Variants in GPC5 observed in about 807,000 individuals in gnomAD.
The protein encoded by GPC5 is glypican 5.
GPC5 carries 47 observed loss-of-function variants against 53.9 expected under a neutral mutation model. The ratio of observed to expected loss-of-function variants is 0.87; its 90% confidence interval spans 0.69 to 1.11. The LOEUF is 1.11. Ranked by LOEUF, GPC5 falls within the 50% of genes most tolerant of loss-of-function variation. The pLI, the probability that GPC5 is intolerant of heterozygous loss-of-function variation, is 0.00. For synonymous variants in GPC5, 286 were observed against 263.3 expected, an observed-to-expected ratio of 1.09 and a Z score of -0.84; for missense variants, 748 against 713.1, an observed-to-expected ratio of 1.05 and a Z score of -0.56.
chr13:91,973,780 C>T (rs931321443), intron 6 of GPC5, among the ~76,000 whole-genome samples: 13 of 152,276 alleles, frequency 8.5e-5, no homozygotes, highest in East Asian at 5.8e-4. Flanking sequence ...TGCAGAACAG[C>T]GGTGGCTGTA....
intron 6 of GPC5, among the ~76,000 whole-genome samples, chr13:91,941,588 C>T (rs961842180): frequency 6.6e-6 from 1 of 152,018 alleles, no homozygotes; most frequent in Non-Finnish European, 1.5e-5. Flanking sequence ...TGTCTAGATC[C>T]CTCAAAATCA....
At position 92,574,934 on chromosome 13, in the gene GPC5, T is replaced by G. The variant is rs1219381063; in HGVS notation, c.1562-291348T>G. On this transcript the variant is annotated intron_variant, in intron 7 of 7. Coordinates refer to ENST00000377067, the MANE Select transcript of GPC5 (RefSeq NM_004466.6). ...AAAAGGAAGGAAGAGAAAGGGACGC[T>G]GGAAAGAGATAGAACTATTCATCCA... Among the ~76,000 whole-genome samples, 3 of 152,288 alleles carry G rather than the reference T, an allele frequency of 2.0e-5. No individual in the cohort carries two copies. The East Asian group carries it at 5.8e-4, about 29-fold the overall frequency.
At chr13:92,558,421 A>C (rs1048339448) in intron 7 of GPC5, among the ~76,000 whole-genome samples, 1 of 152,088 alleles carries the variant, frequency 6.6e-6, no homozygotes, top group African/African-American at 2.4e-5. Context: ...AAAAGTGCAC[A>C]TAATTGCATA....
chr13:91,468,598 A>G (rs189121021), intron 2 of GPC5, among the ~76,000 whole-genome samples: 1 of 152,248 alleles, frequency 6.6e-6, no homozygotes, highest in African/African-American at 2.4e-5. Context: ...GTTCTCCTTC[A>G]CAGCCTTCAG....
At position 92,494,100 on chromosome 13, in the gene GPC5, GTT is replaced by G. The variant is rs56882247; in HGVS notation, c.1561+349117_1561+349118del. ...TGTTTGTTTTGTTTTGTTTTGTTTT[GTT>G]TTTTTGAGACGGAGTCTCGCTCTGT... On this transcript the variant is annotated intron_variant, in intron 7 of 7. Coordinates refer to ENST00000377067, the MANE Select transcript of GPC5 (RefSeq NM_004466.6). Among the ~76,000 whole-genome samples, 663 of 112,770 alleles carry G rather than the reference GTT, an allele frequency of 5.9e-3. 8 individuals are homozygous for G. The highest frequency in any genetic ancestry group is 0.019 in the African/African-American group (625 of 33,404). The allele number at this position is 112,770 out of a possible 152,430, so 74.0% of individuals were successfully genotyped here.
intron 7 of GPC5, among the ~76,000 whole-genome samples, chr13:92,632,764 T>C (rs1350006573): frequency 6.6e-6 from 1 of 152,124 alleles, no homozygotes; most frequent in Non-Finnish European, 1.5e-5. Context: ...AGTTGGACTC[T>C]CAGTTCCACG....
chr13:91,621,578 T>G (rs1164415203), intron 2 of GPC5, among the ~76,000 whole-genome samples: 1 of 151,926 alleles, frequency 6.6e-6, no homozygotes, highest in Non-Finnish European at 1.5e-5. Flanking sequence ...CATTTTACCA[T>G]TGGTAAGGGA....
chr13:91,679,525 G>C (rs1175327907), intron 2 of GPC5, among the ~76,000 whole-genome samples: 1 of 152,162 alleles, frequency 6.6e-6, no homozygotes, highest in Non-Finnish European at 1.5e-5. Flanking sequence ...GTGTTTTTGA[G>C]ATCAAAACTA....
At chr13:91,984,617 G>A (rs1233466545) in intron 6 of GPC5, among the ~76,000 whole-genome samples, 1 of 152,058 alleles carries the variant, frequency 6.6e-6, no homozygotes, top group African/African-American at 2.4e-5. Flanking sequence ...TTATTTTTGT[G>A]GTGTATAGTT....
intron 7 of GPC5, among the ~76,000 whole-genome samples, chr13:92,245,638 A>T (rs958574056): frequency 6.6e-6 from 1 of 152,250 alleles, no homozygotes; most frequent in East Asian, 1.9e-4. Context: ...ATAAATAATG[A>T]TTTCATATGT....
At chr13:92,743,985 C>T (rs1052957149) in intron 7 of GPC5, among the ~76,000 whole-genome samples, 1 of 151,914 alleles carries the variant, frequency 6.6e-6, no homozygotes, top group Non-Finnish European at 1.5e-5. Flanking sequence ...TGATAAATAT[C>T]CCTGGCCTCA....
chr13:92,272,763 A>G (rs1447367199), intron 7 of GPC5, among the ~76,000 whole-genome samples: 1 of 152,198 alleles, frequency 6.6e-6, no homozygotes, highest in African/African-American at 2.4e-5. Flanking sequence ...AAAAGCATGT[A>G]TTACAGAACA....
chr13:92,838,126 C>T (rs893387698), intron 7 of GPC5, among the ~76,000 whole-genome samples: 3 of 151,496 alleles, frequency 2.0e-5, no homozygotes, highest in Admixed American at 2.0e-4. Flanking sequence ...TGCTTTTATT[C>T]AGCCTCATTC....
intron 2 of GPC5, among the ~76,000 whole-genome samples, chr13:91,501,571 G>C (rs986102896): frequency 6.6e-6 from 1 of 152,138 alleles, no homozygotes; most frequent in African/African-American, 2.4e-5. Flanking sequence ...CAAAGGACAT[G>C]AACTCATCCT....
chr13:91,468,508 T>C (rs2139169548), intron 2 of GPC5, among the ~76,000 whole-genome samples: 1 of 152,106 alleles, frequency 6.6e-6, no homozygotes, highest in East Asian at 1.9e-4. Flanking sequence ...AGAGGAAAGA[T>C]GATATGAGGA....
intron 7 of GPC5, among the ~76,000 whole-genome samples, chr13:92,626,612 A>C (rs1885054256): frequency 6.6e-6 from 1 of 152,210 alleles, no homozygotes; most frequent in African/African-American, 2.4e-5. Flanking sequence ...GTCTCTTTTT[A>C]GAGCCTCATG....
In GPC5 at chr13:92,807,142, C is replaced by CA. The variant is rs5805764; in HGVS notation, c.1562-59139dup. 0.025 allele frequency among the ~76,000 whole-genome samples: 3,861 copies of CA among 152,046 alleles called. 382 individuals carry two copies. The East Asian group carries it at 0.32, about 13-fold the overall frequency. On this transcript the variant is annotated intron_variant, in intron 7 of 7. Transcript: ENST00000377067. ...GTTTAGCATAATATCTGAAATTTAC[C>CA]AGCACCATATAAAGATTTTGCTATT...
At chr13:92,235,348 A>G (rs1249149006) in intron 7 of GPC5, among the ~76,000 whole-genome samples, 1 of 152,128 alleles carries the variant, frequency 6.6e-6, no homozygotes, top group East Asian at 1.9e-4. Flanking sequence ...ACTCCTGATC[A>G]TTAGAACTAT....
At chr13:92,018,985 T>C (rs1358288695) in intron 6 of GPC5, among the ~76,000 whole-genome samples, 1 of 152,034 alleles carries the variant, frequency 6.6e-6, no homozygotes, top group Non-Finnish European at 1.5e-5. Flanking sequence ...TGTTAGATTC[T>C]TTGGTACTTA....
Sources: gnomAD v4.1 joint callset for allele counts (sites outside exome capture counted in the v4.1 genomes callset) on GRCh38, gnomAD v4.1.1 for gene constraint, MANE v1.5 for transcripts, NCBI Gene and HGNC (gene_info 2026-07-23, HGNC 2026-07-21) for gene names.